The following SHANK2 variants were observed in gnomAD, a reference collection of about 807,000 sequenced individuals.
SHANK2 encodes SH3 and multiple ankyrin repeat domains 2.
SHANK2 carries 43 observed loss-of-function variants against 133.7 expected under a neutral mutation model. The observed-to-expected ratio is 0.32, with a 90% CI of 0.25 to 0.41. The LOEUF (loss-of-function observed/expected upper bound fraction) is 0.41, where lower values mean the gene tolerates loss of function less well. SHANK2 is among the 10% of genes least tolerant of loss of function. The pLI, the probability that SHANK2 is intolerant of heterozygous loss-of-function variation, is 1.00. For missense variants in SHANK2, 1,994 were observed against 2,235.8 expected, an observed-to-expected ratio of 0.89 and a Z score of 2.18; for synonymous variants, 1,017 against 952.8, an observed-to-expected ratio of 1.07 and a Z score of -1.24.
intron 17 of SHANK2, among the ~76,000 whole-genome samples, chr11:70,563,929 T>C (rs977962648): frequency 6.6e-6 from 1 of 152,252 alleles, no homozygotes; most frequent in Non-Finnish European, 1.5e-5. Context: ...TGAATAATTC[T>C]GTTTTTTCTT....
chr11:70,647,718 T>C (rs2134193576), intron 17 of SHANK2, among the ~76,000 whole-genome samples: 1 of 152,348 alleles, frequency 6.6e-6, no homozygotes, highest in African/African-American at 2.4e-5. Context: ...TAAGCTTTTG[T>C]TGGATCTGAG....
At chr11:70,650,699 C>T (rs1190978017) in intron 17 of SHANK2, among the ~76,000 whole-genome samples, 3 of 152,208 alleles carry the variant, frequency 2.0e-5, no homozygotes, top group African/African-American at 7.2e-5. Context: ...TGCTCAAGAC[C>T]TTCCTCCTCA....
At chr11:70,898,737 A>C (rs1949978582) in intron 10 of SHANK2, among the ~76,000 whole-genome samples, 1 of 152,218 alleles carries the variant, frequency 6.6e-6, no homozygotes, top group African/African-American at 2.4e-5. Context: ...GTTAAGCAAA[A>C]AGGAAGCAGA....
intron 2 of SHANK2, among the ~76,000 whole-genome samples, chr11:71,210,034 G>A (rs79311336): frequency 0.021 from 3,240 of 151,290 alleles, 41 homozygotes; most frequent in African/African-American, 0.032. Context: ...ATGCTCAAAC[G>A]AGTCCGTGAC....
chr11:70,718,597 T>C (rs188416820), intron 14 of SHANK2, among the ~76,000 whole-genome samples: 2 of 152,262 alleles, frequency 1.3e-5, no homozygotes, highest in African/African-American at 4.8e-5. Flanking sequence ...TGCAAGGACT[T>C]CTCGGCTTTC....
At chr11:70,585,413 C>A (rs1441117064) in intron 17 of SHANK2, among the ~76,000 whole-genome samples, 1 of 152,168 alleles carries the variant, frequency 6.6e-6, no homozygotes, top group African/African-American at 2.4e-5. Flanking sequence ...GGTAAAGCTG[C>A]CCCAGGTCCT....
chr11:70,790,039 C>T (rs1947755149), intron 14 of SHANK2, among the ~76,000 whole-genome samples: 1 of 152,248 alleles, frequency 6.6e-6, no homozygotes, highest in Non-Finnish European at 1.5e-5. Flanking sequence ...ACGTGCATTG[C>T]ATTCATTTTT....
intron 17 of SHANK2, among the ~76,000 whole-genome samples, chr11:70,647,002 C>G (rs1029015029): frequency 1.3e-5 from 2 of 151,990 alleles, no homozygotes; most frequent in Non-Finnish European, 2.9e-5. Flanking sequence ...GCTGGTACTA[C>G]AGGTGTCCGC....
intron 14 of SHANK2, among the ~76,000 whole-genome samples, chr11:70,755,073 CTTT>C (rs1190667411): frequency 6.9e-6 from 1 of 145,568 alleles, no homozygotes; most frequent in Non-Finnish European, 1.5e-5. Context: ...TGTTCATAAT[CTTT>C]TTTTTTTTTT....
At chr11:70,507,443 T>TGTGTCAGAGCTCAG (rs1419852029) in intron 17 of SHANK2, among the ~76,000 whole-genome samples, 2 of 152,234 alleles carry the variant, frequency 1.3e-5, no homozygotes, top group Admixed American at 1.3e-4. Flanking sequence ...GCCAGTCTCC[T>TGTGTCAGAGCTCAG]GTGTCAGAGC....
intron 17 of SHANK2, among the ~76,000 whole-genome samples, chr11:70,658,213 A>G (rs1443560083): frequency 1.1e-5 from 1 of 93,364 alleles, no homozygotes; most frequent in Non-Finnish European, 2.4e-5. Flanking sequence ...CCCCCAACAC[A>G]CACACACACA....
At chr11:70,691,089 T>C (rs1298351724) in intron 15 of SHANK2, among the ~76,000 whole-genome samples, 1 of 152,166 alleles carries the variant, frequency 6.6e-6, no homozygotes, top group African/African-American at 2.4e-5. Context: ...TTTCATTACA[T>C]GCATGCAGTA....
intron 17 of SHANK2, among the ~76,000 whole-genome samples, chr11:70,533,596 A>C (rs1250263097): frequency 1.3e-5 from 2 of 152,084 alleles, no homozygotes; most frequent in African/African-American, 4.8e-5. Context: ...CTGTTCCCCA[A>C]TGACTGGCTC....
chr11:70,593,139 C>T (rs1236284058), intron 17 of SHANK2, among the ~76,000 whole-genome samples: 5 of 152,308 alleles, frequency 3.3e-5, no homozygotes, highest in East Asian at 1.9e-4. Context: ...CCAACATGAA[C>T]GCACACTGTC....
chr11:70,671,671 G>T (rs980806175), intron 15 of SHANK2, among the ~76,000 whole-genome samples: 1 of 152,200 alleles, frequency 6.6e-6, no homozygotes, highest in African/African-American at 2.4e-5. Context: ...CAAGACACAC[G>T]GGTGTGTTAG....
rs1159852026 is a variant in SHANK2, at chr11:71,163,071, T to TAA, written c.-12-15735_-12-15734dup. On this transcript the variant is annotated intron_variant, in intron 2 of 25. Transcript: ENST00000601538. ...CTGGGCAACAGAGTGAGACTCTGTC[T>TAA]AAAAAAAAAAAAAAAAAAAAAAATA... Among the ~76,000 whole-genome samples, 88 of 45,254 alleles carry TAA rather than the reference T, an allele frequency of 1.9e-3. 1 individual carries two copies. Among genetic ancestry groups the TAA allele is most frequent in the African/African-American group, 5.7e-3 (47 of 8,194 alleles). 29.7% of individuals were successfully genotyped at this position (45,254 alleles called of 152,430 possible). A position where few individuals can be genotyped will look rare whatever the true frequency, so the allele number is the denominator to read the frequency against.
intron 15 of SHANK2, among the ~76,000 whole-genome samples, chr11:70,692,950 T>C (rs1352979589): frequency 6.6e-6 from 1 of 152,236 alleles, no homozygotes; most frequent in Non-Finnish European, 1.5e-5. Context: ...AATGGACATG[T>C]TCCTTTTGAG....
At chr11:70,488,496 C>G (rs545208897) in intron 24 of SHANK2, among the ~76,000 whole-genome samples, 2 of 152,182 alleles carry the variant, frequency 1.3e-5, no homozygotes, top group African/African-American at 4.8e-5. Flanking sequence ...TATGTGTCCT[C>G]GAGCTCTCTG....
At chr11:70,723,699 TTTAGAC>T (rs1391816243) in intron 14 of SHANK2, among the ~76,000 whole-genome samples, 1 of 152,172 alleles carries the variant, frequency 6.6e-6, no homozygotes, top group Non-Finnish European at 1.5e-5. Flanking sequence ...TCCCACACTG[TTTAGAC>T]TTATGAGCCA....
Sources: allele counts gnomAD v4.1 joint callset (sites outside exome capture counted in the v4.1 genomes callset), GRCh38; gene constraint gnomAD v4.1.1; transcripts MANE v1.5; gene names NCBI Gene and HGNC (gene_info 2026-07-23, HGNC 2026-07-21).